The following USP32 variants were observed in gnomAD, a reference collection of about 807,000 sequenced individuals.
USP32 encodes the protein ubiquitin carboxyl-terminal hydrolase 32.
Under a neutral mutation model 204.8 loss-of-function variants are expected in USP32, and 59 were observed. The ratio of observed to expected loss-of-function variants is 0.29; its 90% CI spans 0.23 to 0.36. The LOEUF (loss-of-function observed/expected upper bound fraction) is 0.36, where lower values mean the gene tolerates loss of function less well. Among genes scored for constraint, USP32 ranks in the 10% least tolerant of loss-of-function variants. USP32 has a pLI of 1.00. For synonymous variants in USP32, 517 were observed against 678.4 expected, an observed-to-expected ratio of 0.76 and a Z score of 3.70; for missense variants, 1,160 against 1,946.4, an observed-to-expected ratio of 0.60 and a Z score of 7.60.
At chr17:60,390,407 G>A (rs950038813) in intron 1 of USP32, among the ~76,000 whole-genome samples, 1 of 152,150 alleles carries the variant, frequency 6.6e-6, no homozygotes, top group African/African-American at 2.4e-5. Context: ...AGGCTCAACA[G>A]CATCCCGGAA....
At chr17:60,364,289 T>C (rs765275577) in intron 1 of USP32, among the ~76,000 whole-genome samples, 22 of 152,118 alleles carry the variant, frequency 1.4e-4, no homozygotes, top group Admixed American at 2.6e-4. Context: ...ACATTGGGAA[T>C]TAGGTTTCAA....
chr17:60,289,100 C>T (rs1253466856), intron 4 of USP32, among the ~76,000 whole-genome samples: 4 of 152,140 alleles, frequency 2.6e-5, no homozygotes, highest in East Asian at 1.9e-4. Context: ...CTCTGCCTCC[C>T]GGGTTCACGC....
intron 1 of USP32, among the ~76,000 whole-genome samples, chr17:60,347,508 C>A (rs2088817118): frequency 6.6e-6 from 1 of 151,938 alleles, no homozygotes; most frequent in Non-Finnish European, 1.5e-5. Flanking sequence ...CGCCCGCCAC[C>A]ACGCCCAGCT....
chr17:60,190,651 T>C lies in USP32; in HGVS notation c.3554A>G (p.Glu1185Gly), dbSNP rs1408246470. The change falls in exon 29 of 34, where the codon GAA becomes GGA. Residue 1185 changes from glutamate to glycine, a missense_variant. Glu to Gly is a moderately conservative substitution (Grantham distance 98). This residue lies in a region of USP32 where 160 missense variants were observed against 322.5 expected (regional missense o/e 0.50). Transcript: ENST00000300896. ...FCRGCKIDCG[E>G]DRAFIGNAYI... Reference sequence around the variant, plus strand: ...GGCATTTCCAATGAAAGCTCTGTCTTCCCCACAATCAATTTTACAGCCTCT... The same window carrying C: ...GGCATTTCCAATGAAAGCTCTGTCTCCCCCACAATCAATTTTACAGCCTCT... 1 of 1,603,722 alleles carries C rather than the reference T, an allele frequency of 6.2e-7. No homozygotes were observed. Among genetic ancestry groups the C allele is most frequent in the Admixed American group, 1.7e-5 (1 of 57,516 alleles).
At chr17:60,225,868 C>T (rs1046111032) in intron 13 of USP32, among the ~76,000 whole-genome samples, 171 bp downstream of exon 13, 5 of 151,208 alleles carry the variant, frequency 3.3e-5, no homozygotes, top group African/African-American at 1.2e-4. Context: ...GCAGGACAAT[C>T]GCTTGAACCC....
intron 30 of USP32, among the ~76,000 whole-genome samples, 169 bp from the exon 31 acceptor site, chr17:60,183,622 C>T (rs962965392): frequency 1.3e-5 from 2 of 152,240 alleles, no homozygotes; most frequent in African/African-American, 4.8e-5. Context: ...AAGGCCTCTA[C>T]ATAGGCCCCA....
At chr17:60,386,835 A>C (rs2146129668) in intron 1 of USP32, among the ~76,000 whole-genome samples, 1 of 152,332 alleles carries the variant, frequency 6.6e-6, no homozygotes, top group South Asian at 2.1e-4. Context: ...AAACCTACGA[A>C]CTAAAGATTA....
chr17:60,234,938 T>A (rs892080027), intron 12 of USP32, among the ~76,000 whole-genome samples: 20 of 151,954 alleles, frequency 1.3e-4, no homozygotes, highest in Non-Finnish European at 1.5e-5. Context: ...AATGCCAGAG[T>A]GGAGAAGGGA....
At chr17:60,328,910 C>A (rs992490697) in intron 2 of USP32, among the ~76,000 whole-genome samples, 1 of 149,392 alleles carries the variant, frequency 6.7e-6, no homozygotes, top group Non-Finnish European at 1.5e-5. Context: ...CTGTACCCCA[C>A]TCTAGCTCAC....
intron 1 of USP32, among the ~76,000 whole-genome samples, chr17:60,378,353 T>C (rs1331093055): frequency 1.3e-5 from 2 of 152,170 alleles, no homozygotes; most frequent in Non-Finnish European, 2.9e-5. Context: ...GGTGGAAATA[T>C]AAAACGGTAC....
intron 12 of USP32, 57 bp downstream of exon 12, chr17:60,236,081 A>C (rs1025740749): frequency 1.5e-6 from 2 of 1,353,164 alleles, no homozygotes; most frequent in Non-Finnish European, 2.1e-6. Flanking sequence ...ATTGGCTGGA[A>C]GTCTCACGCA....
At chr17:60,365,880 T>C (rs1024954831) in intron 1 of USP32, among the ~76,000 whole-genome samples, 1 of 152,212 alleles carries the variant, frequency 6.6e-6, no homozygotes, top group African/African-American at 2.4e-5. Context: ...AAGTGTCAAC[T>C]CCAAACTGAC....
intron 13 of USP32, among the ~76,000 whole-genome samples, chr17:60,225,404 C>T (rs995895765): frequency 3.9e-5 from 6 of 152,164 alleles, no homozygotes; most frequent in Admixed American, 2.0e-4. Flanking sequence ...CTGCAGTAAG[C>T]CGTGATTATG....
chr17:60,269,081 G>A (rs1005995897), intron 7 of USP32, among the ~76,000 whole-genome samples: 2 of 152,174 alleles, frequency 1.3e-5, no homozygotes, highest in African/African-American at 4.8e-5. Context: ...ATCTGTGCCA[G>A]TGGATGGAAA....
chr17:60,226,571 GTA>G (rs778884500), intron 12 of USP32, among the ~76,000 whole-genome samples: 3 of 151,904 alleles, frequency 2.0e-5, no homozygotes, highest in Non-Finnish European at 4.4e-5. Context: ...GTACATGAAT[GTA>G]TATAATTTTT....
intron 1 of USP32, among the ~76,000 whole-genome samples, chr17:60,404,183 T>C (rs985050445): frequency 6.6e-6 from 1 of 152,138 alleles, no homozygotes; most frequent in African/African-American, 2.4e-5. Context: ...GAAGTGATAC[T>C]GTTACATTTG....
intron 1 of USP32, among the ~76,000 whole-genome samples, chr17:60,368,024 A>G (rs1021580679): frequency 6.6e-6 from 1 of 152,192 alleles, no homozygotes; most frequent in African/African-American, 2.4e-5. Flanking sequence ...ACCATTTTAT[A>G]TAAGAAACAT....
At chr17:60,182,221 C>T (rs2084129995) in intron 31 of USP32, among the ~76,000 whole-genome samples, 1 of 152,224 alleles carries the variant, frequency 6.6e-6, no homozygotes. Flanking sequence ...TTGGTTATAG[C>T]CTCTTACCCA....
intron 33 of USP32, among the ~76,000 whole-genome samples, chr17:60,180,191 A>G (rs2145346565): frequency 6.6e-6 from 1 of 151,918 alleles, no homozygotes; most frequent in Non-Finnish European, 1.5e-5. Flanking sequence ...ACGCCCAACT[A>G]ATTTTTGTAT....
Sources: allele counts gnomAD v4.1 joint callset (sites outside exome capture counted in the v4.1 genomes callset), GRCh38; gene constraint gnomAD v4.1.1; regional missense constraint gnomAD v4.1.1; transcripts MANE v1.5; gene names NCBI Gene and HGNC (gene_info 2026-07-23, HGNC 2026-07-21).